Variants in MCTP1 observed in about 807,000 individuals in gnomAD.
The protein encoded by MCTP1 is multiple C2 and transmembrane domain-containing protein 1.
In MCTP1, 69 loss-of-function variants were observed where a neutral mutation model predicts 120.6. The observed-to-expected ratio is 0.57, with a 90% CI of 0.47 to 0.70. The LOEUF (loss-of-function observed/expected upper bound fraction) is 0.70, where lower values mean the gene tolerates loss of function less well. MCTP1 is among the 30% of genes least tolerant of loss of function. MCTP1 has a pLI of 0.00. For synonymous variants in MCTP1, 529 were observed against 493.1 expected (o/e 1.07, Z -0.96); for missense variants, 1,203 against 1,248.8 (o/e 0.96, Z 0.55).
intron 6 of MCTP1, among the ~76,000 whole-genome samples, chr5:94,930,045 T>C (rs1048253791): frequency 1.3e-5 from 2 of 152,072 alleles, no homozygotes; most frequent in Admixed American, 6.6e-5. Context: ...GTATCTTCAG[T>C]TGGAAGCTTG....
intron 1 of MCTP1, among the ~76,000 whole-genome samples, chr5:95,272,709 C>G (rs1001055604): frequency 3.3e-4 from 50 of 152,316 alleles, no homozygotes; most frequent in Admixed American, 5.2e-4. Flanking sequence ...GGTCTCCCTC[C>G]CATCTCTGAC....
rs12514381 is a variant in MCTP1, at chr5:94,796,641, A to T, written c.2556+2372T>A. ...TATATATAATATATATTATATATGT[A>T]ATATATATTATATATATTATATATA... On this transcript the variant is annotated intron_variant, in intron 18 of 22. Coordinates refer to ENST00000515393, the MANE Select transcript of MCTP1 (RefSeq NM_024717.7). Among the ~76,000 whole-genome samples, 1,177 of 137,930 alleles carry T rather than the reference A, an allele frequency of 8.5e-3. 3 individuals carry two copies. The highest frequency in any genetic ancestry group is 0.015 in the Middle Eastern group (4 of 274). The allele number at this position is 137,930 out of a possible 152,430, so 90.5% of individuals were successfully genotyped here.
intron 1 of MCTP1, among the ~76,000 whole-genome samples, chr5:95,280,380 A>G (rs2152745018): frequency 6.6e-6 from 1 of 152,380 alleles, no homozygotes; most frequent in East Asian, 1.9e-4. Context: ...ATAAAAGTTC[A>G]GCATTCATAA....
At chr5:94,995,640 G>C (rs533327941) in intron 2 of MCTP1, among the ~76,000 whole-genome samples, 2 of 152,150 alleles carry the variant, frequency 1.3e-5, no homozygotes, top group Admixed American at 1.3e-4. Flanking sequence ...TGTTAAGATA[G>C]AACTTTTCTT....
intron 2 of MCTP1, among the ~76,000 whole-genome samples, chr5:94,984,266 T>A (rs1204387022): frequency 6.6e-6 from 1 of 152,186 alleles, no homozygotes; most frequent in East Asian, 1.9e-4. Context: ...AAGACATTTT[T>A]AAAAATATAG....
Position 95,195,808 on chromosome 5 carries a change from T to C in MCTP1, c.720+88048A>G, listed in dbSNP as rs143926138. On this transcript the variant is annotated intron_variant, in intron 1 of 22. Coordinates refer to ENST00000515393, the MANE Select transcript of MCTP1 (RefSeq NM_024717.7). ...GTGGGAAGAATAAATATTTTATATG[T>C]ATAGAAGTAAAAATGATATGTGTGT... Among the ~76,000 whole-genome samples, 730 of 152,242 alleles carry C rather than the reference T, an allele frequency of 4.8e-3. 7 individuals are homozygous for C. Among genetic ancestry groups the C allele is most frequent in the African/African-American group, 0.015 (638 of 41,530 alleles).
In MCTP1 at chr5:94,767,487, T is replaced by G. The variant is rs147244128; in HGVS notation, c.2610+11623A>C. 2.8e-3 allele frequency among the ~76,000 whole-genome samples: 423 copies of G among 152,244 alleles called. 3 individuals are homozygous for G. Among genetic ancestry groups the G allele is most frequent in the Middle Eastern group, 0.01 (3 of 294 alleles). ...AAGTCAAATTATCCCTCTTTGCAGA[T>G]GACATGATCTTATATATAGAAAAAC... On this transcript the variant is annotated intron_variant, in intron 19 of 22. Transcript: ENST00000515393.
intron 1 of MCTP1, among the ~76,000 whole-genome samples, chr5:95,059,224 T>TATATAC (rs776279585): frequency 5.7e-4 from 86 of 151,762 alleles, no homozygotes; most frequent in African/African-American, 1.8e-3. Context: ...TATATATATA[T>TATATAC]ACACTATAAA....
chr5:95,175,980 C>G (rs1191983695), intron 1 of MCTP1, among the ~76,000 whole-genome samples: 4 of 152,152 alleles, frequency 2.6e-5, no homozygotes, highest in Admixed American at 2.6e-4. Context: ...AAAACGCAGG[C>G]TGAAAGGCAA....
chr5:95,081,547 T>C, intron 1 of MCTP1: 2 of 1,551,546 alleles, frequency 1.3e-6, no homozygotes, highest in Admixed American at 1.9e-5. Context: ...TAGACTTGCT[T>C]TCTTCACTGA....
At chr5:95,235,369 G>A (rs1021007767) in intron 1 of MCTP1, among the ~76,000 whole-genome samples, 2 of 151,712 alleles carry the variant, frequency 1.3e-5, no homozygotes, top group Non-Finnish European at 2.9e-5. Context: ...AATGAAGAGA[G>A]ACTAAATGCT....
chr5:94,829,274 C>A (rs1021032023), intron 17 of MCTP1, among the ~76,000 whole-genome samples: 25 of 152,290 alleles, frequency 1.6e-4, no homozygotes, highest in African/African-American at 5.8e-4. Context: ...CACCCTGCTT[C>A]AGCTCGCCCT....
intron 17 of MCTP1, chr5:94,825,910 C>A: frequency 1.1e-5 from 2 of 175,558 alleles, no homozygotes; most frequent in South Asian, 1.4e-4. Flanking sequence ...AGAGCAGGTC[C>A]TGTTTATTAA....
At chr5:94,812,474 A>G (rs1783636117) in intron 17 of MCTP1, among the ~76,000 whole-genome samples, 1 of 148,756 alleles carries the variant, frequency 6.7e-6, no homozygotes, top group South Asian at 2.1e-4. Context: ...AAAAAACCCA[A>G]AAAACTAAAA....
intron 1 of MCTP1, among the ~76,000 whole-genome samples, chr5:95,195,395 C>T (rs964341150): frequency 6.6e-6 from 1 of 152,100 alleles, no homozygotes; most frequent in African/African-American, 2.4e-5. Flanking sequence ...ATGTCTGTTT[C>T]TGAGGAGACC....
chr5:95,103,588 T>C (rs1756893790), intron 1 of MCTP1, among the ~76,000 whole-genome samples: 1 of 152,236 alleles, frequency 6.6e-6, no homozygotes, highest in Non-Finnish European at 1.5e-5. Flanking sequence ...TTAATGTATG[T>C]AGCAATTTTC....
At chr5:95,247,012 A>G (rs1756868275) in intron 1 of MCTP1, among the ~76,000 whole-genome samples, 1 of 152,132 alleles carries the variant, frequency 6.6e-6, no homozygotes, top group African/African-American at 2.4e-5. Flanking sequence ...CTGTGAATCC[A>G]TTTGGTCCTA....
chr5:94,956,746 C>T (rs1293724421), intron 2 of MCTP1, among the ~76,000 whole-genome samples: 2 of 151,950 alleles, frequency 1.3e-5, no homozygotes, highest in Non-Finnish European at 2.9e-5. Context: ...ATGAACAAAG[C>T]CTCCAAGAAA....
At chr5:95,234,637 G>A (rs1397291772) in intron 1 of MCTP1, among the ~76,000 whole-genome samples, 1 of 152,076 alleles carries the variant, frequency 6.6e-6, no homozygotes, top group Admixed American at 6.6e-5. Flanking sequence ...AATAAACATA[G>A]ATATTTAAAA....
Sources: allele counts gnomAD v4.1 joint callset (sites outside exome capture counted in the v4.1 genomes callset), GRCh38; gene constraint gnomAD v4.1.1; transcripts MANE v1.5; gene names NCBI Gene and HGNC (gene_info 2026-07-23, HGNC 2026-07-21).